Variants in HOPX observed in about 807,000 individuals in gnomAD.
The protein encoded by HOPX is homeodomain-only protein.
A neutral mutation model predicts 11.8 loss-of-function variants in HOPX; 5 were observed. That is an observed-to-expected ratio of 0.43 (90% CI 0.22 to 0.89). The LOEUF is 0.89. Ranked by LOEUF, HOPX falls within the 40% of genes least tolerant of loss-of-function variation. The pLI is 0.28. For synonymous variants in HOPX, 49 were observed against 49.7 expected (o/e 0.99, Z 0.06); for missense variants, 119 against 120.0 (o/e 0.99, Z 0.04).
intron 1 of HOPX, chr4:56,663,971 T>C (rs1445325525): frequency 6.6e-6 from 1 of 152,184 alleles, no homozygotes; most frequent in African/African-American, 2.4e-5. Flanking sequence ...AAGTCTTCTG[T>C]ACTAATTATT....
intron 3 of HOPX, among the ~76,000 whole-genome samples, chr4:56,654,590 C>T (rs1278116717): frequency 2.0e-5 from 3 of 152,236 alleles, no homozygotes; most frequent in Admixed American, 1.3e-4. Context: ...GTTGGCCAGA[C>T]AGCTGTTCCA....
At chr4:56,657,945 G>C (rs905648557) in intron 1 of HOPX, 46 bp from the exon 2 acceptor site, 36 of 1,527,984 alleles carry the variant, frequency 2.4e-5, no homozygotes, top group Non-Finnish European at 3.2e-5. Flanking sequence ...GCAGGCAGGA[G>C]CTCATTGCCA....
At chr4:56,654,914 C>G (rs532800916) in intron 3 of HOPX, among the ~76,000 whole-genome samples, 1 of 152,206 alleles carries the variant, frequency 6.6e-6, no homozygotes, top group Admixed American at 6.5e-5. Context: ...TAGATCAGTT[C>G]CAAGTAGTCT....
chr4:56,658,996 G>T (rs551898433), intron 1 of HOPX, among the ~76,000 whole-genome samples: 1 of 152,306 alleles, frequency 6.6e-6, no homozygotes, highest in Non-Finnish European at 1.5e-5. Flanking sequence ...CCCTAATCCT[G>T]TAATCATTTA....
At chr4:56,654,752 C>A (rs867764228) in intron 3 of HOPX, among the ~76,000 whole-genome samples, 1 of 152,138 alleles carries the variant, frequency 6.6e-6, no homozygotes, top group Non-Finnish European at 1.5e-5. Context: ...TCTACTGGAT[C>A]CATTACAAGC....
Position 56,648,328 on chromosome 4 carries a change from A to G in HOPX, c.*392T>C, listed in dbSNP as rs183064958. 1.8e-5 allele frequency: 3 copies of G among 165,740 alleles called. No individual in the cohort carries two copies. The Admixed American group carries it at 1.9e-4, about 11-fold the overall frequency. The allele number at this position is 165,740 out of a possible 1,614,324, so 10.3% of individuals were successfully genotyped here. On this transcript the variant is annotated 3_prime_UTR_variant, in exon 4 of 4. Coordinates refer to ENST00000420433, the MANE Select transcript of HOPX (RefSeq NM_032495.6). The stretch of plus-strand genomic sequence containing the variant: ...CTTAGGGAAGTAAGTTCAGAAGGAA[A>G]TGTGTTCCCTTCTCCCTCATATTAT...
In HOPX at chr4:56,648,351, T is replaced by C. The variant is rs1049502562; in HGVS notation, c.*369A>G. 1.7e-5 allele frequency: 3 copies of C among 180,870 alleles called. No homozygotes were observed. The highest frequency in any genetic ancestry group is 7.0e-5 in the African/African-American group (3 of 42,688). 11.2% of individuals were successfully genotyped at this position (180,870 alleles called of 1,614,324 possible). A position where few individuals can be genotyped will look rare whatever the true frequency, so the allele number is the denominator to read the frequency against. On this transcript the variant is annotated 3_prime_UTR_variant, in exon 4 of 4. Coordinates refer to ENST00000420433, the MANE Select transcript of HOPX (RefSeq NM_032495.6). The stretch of plus-strand genomic sequence containing the variant: ...AAATGTGTTCCCTTCTCCCTCATAT[T>C]ATCTTTTCAACAGAGGCCTGGATTG...
chr4:56,650,491 G>A (rs1309113458), intron 3 of HOPX: 2 of 567,282 alleles, frequency 3.5e-6, no homozygotes, highest in South Asian at 4.6e-5. Flanking sequence ...GAGAATCACA[G>A]GGGGAGAAGG....
intron 1 of HOPX, among the ~76,000 whole-genome samples, chr4:56,676,209 G>T (rs979724969): frequency 6.6e-6 from 1 of 151,520 alleles, no homozygotes; most frequent in Non-Finnish European, 1.5e-5. Context: ...GAGGTGGGAG[G>T]ATTGCTTGAG....
chr4:56,655,142 G>T (rs4324602), intron 3 of HOPX, among the ~76,000 whole-genome samples: 3 of 151,702 alleles, frequency 2.0e-5, no homozygotes, highest in African/African-American at 7.3e-5. Context: ...GGCTGCCGCT[G>T]CCGTCAGCTG....
chr4:56,650,659 C>A, intron 3 of HOPX: 1 of 1,551,316 alleles, frequency 6.4e-7, no homozygotes, highest in Non-Finnish European at 8.7e-7. Context: ...AAATCCTTTA[C>A]ACAGTTGTCA....
At chr4:56,660,840 A>G (rs1560368149) in intron 1 of HOPX, among the ~76,000 whole-genome samples, 1 of 152,214 alleles carries the variant, frequency 6.6e-6, no homozygotes, top group Middle Eastern at 3.2e-3. Flanking sequence ...TTAAAGCATT[A>G]CCAAGACTAT....
intron 3 of HOPX, among the ~76,000 whole-genome samples, chr4:56,652,916 A>G (rs777077384): frequency 2.6e-4 from 40 of 152,238 alleles, no homozygotes; most frequent in Non-Finnish European, 5.0e-4. Flanking sequence ...CCTAGCCTCC[A>G]TGGAGTTATT....
chr4:56,677,187 C>T (rs1213251196), intron 1 of HOPX, among the ~76,000 whole-genome samples: 1 of 151,768 alleles, frequency 6.6e-6, no homozygotes, highest in Non-Finnish European at 1.5e-5. Context: ...GCAGCTACTT[C>T]TGATGAGTTC....
intron 1 of HOPX, among the ~76,000 whole-genome samples, chr4:56,670,976 GAA>G (rs533268070): frequency 5.1e-5 from 7 of 138,032 alleles, no homozygotes; most frequent in South Asian, 2.3e-4. Flanking sequence ...CAGCCTGGGT[GAA>G]AAAAAAAAAA....
intron 3 of HOPX, among the ~76,000 whole-genome samples, chr4:56,653,543 GTC>G (rs976117646): frequency 1.1e-4 from 17 of 152,274 alleles, no homozygotes; most frequent in African/African-American, 3.1e-4. Flanking sequence ...TTCCTAGGAA[GTC>G]TCTTTCTCTG....
At chr4:56,656,484 GCCGGCC>G in intron 2 of HOPX, 1 of 984,626 alleles carries the variant, frequency 1.0e-6, no homozygotes, top group Non-Finnish European at 1.2e-6. Context: ...TCCGCGACTA[GCCGGCC>G]TCCGGCCTCC....
At chr4:56,678,438 ATT>A (rs57921708) in intron 1 of HOPX, among the ~76,000 whole-genome samples, 1,930 of 100,094 alleles carry the variant, frequency 0.019, 20 homozygotes, top group South Asian at 0.11. Flanking sequence ...CTAGTCACTG[ATT>A]TTTTTTTTTT....
chr4:56,648,412 G>A lies in HOPX; in HGVS notation c.*308C>T, dbSNP rs963206729. ...TATGAAAGCAAATTGCTACTGGGAGGTGATGGTCAAAAGCAAACTTAGATG... is the reference window on the plus strand; with the variant it reads ...TATGAAAGCAAATTGCTACTGGGAGATGATGGTCAAAAGCAAACTTAGATG... On this transcript the variant is annotated 3_prime_UTR_variant, in exon 4 of 4. Transcript: ENST00000420433. 1.5e-5 allele frequency: 4 copies of A among 273,270 alleles called. No homozygotes were observed. The highest frequency in any genetic ancestry group is 2.2e-5 in the African/African-American group (1 of 45,720). 16.9% of individuals were successfully genotyped at this position (273,270 alleles called of 1,614,324 possible).
Sources: gnomAD v4.1 joint callset for allele counts (sites outside exome capture counted in the v4.1 genomes callset) on GRCh38, gnomAD v4.1.1 for gene constraint, MANE v1.5 for transcripts, NCBI Gene and HGNC (gene_info 2026-07-23, HGNC 2026-07-21) for gene names.